Variants in KCNN3 observed in about 807,000 individuals in gnomAD.
KCNN3 encodes the protein small conductance calcium-activated potassium channel protein 3.
KCNN3 carries 16 observed loss-of-function variants against 62.9 expected under a neutral mutation model. That is an observed-to-expected ratio of 0.25 (90% CI 0.17 to 0.39). KCNN3 has a LOEUF of 0.39. Ranked by LOEUF, KCNN3 falls within the 10% of genes least tolerant of loss-of-function variation. The probability of loss-of-function intolerance (pLI) is 1.00; values close to 1 mark genes in which losing one functional copy is unlikely to be tolerated. For synonymous variants in KCNN3, 370 were observed against 389.2 expected, an observed-to-expected ratio of 0.95 and a Z score of 0.58; for missense variants, 599 against 949.4, an observed-to-expected ratio of 0.63 and a Z score of 4.85.
rs529400127 is a variant in KCNN3 at position 154,751,953 on chromosome 1, A to T, written c.1449-18809T>A. Among the ~76,000 whole-genome samples, 4 of 152,340 alleles carry T rather than the reference A, an allele frequency of 2.6e-5. No homozygotes were observed. The South Asian group carries it at 8.3e-4, about 32-fold the overall frequency. On this transcript the variant is annotated intron_variant, in intron 3 of 7. Transcript: ENST00000271915. ...GCAACCACAGAAGGCAAAATGAAAGAGCCCAGACAGTTGTGTAAAGTGCCA... is the reference window on the plus strand; with the variant it reads ...GCAACCACAGAAGGCAAAATGAAAGTGCCCAGACAGTTGTGTAAAGTGCCA...
At chr1:154,845,643 G>A (rs1396213557) in intron 1 of KCNN3, among the ~76,000 whole-genome samples, 1 of 152,056 alleles carries the variant, frequency 6.6e-6, no homozygotes, top group Non-Finnish European at 1.5e-5. Context: ...GCCCTGCAAG[G>A]GGTTCAGTCA....
intron 2 of KCNN3, among the ~76,000 whole-genome samples, chr1:154,796,105 C>T (rs1649725353): frequency 6.6e-6 from 1 of 152,150 alleles, no homozygotes; most frequent in African/African-American, 2.4e-5. Context: ...CCTAACAGTC[C>T]ACATAAGACC....
intron 3 of KCNN3, among the ~76,000 whole-genome samples, chr1:154,759,607 C>T (rs1170422034): frequency 6.6e-6 from 1 of 152,192 alleles, no homozygotes; most frequent in African/African-American, 2.4e-5. Context: ...CAGCATGGCA[C>T]TAACTGTCAC....
At chr1:154,732,858 T>C in intron 4 of KCNN3, 145 bp downstream of exon 4, 2 of 794,312 alleles carry the variant, frequency 2.5e-6, no homozygotes, top group Non-Finnish European at 4.3e-6. Context: ...CCTGACATTT[T>C]ATGTGTAGGG....
intron 5 of KCNN3, among the ~76,000 whole-genome samples, chr1:154,721,361 A>G (rs1318861536): frequency 7.0e-6 from 1 of 142,488 alleles, no homozygotes; most frequent in Non-Finnish European, 1.5e-5. Context: ...GTGCAGTGGC[A>G]CGATCTCAGC....
At chr1:154,857,372 C>A (rs537404210) in intron 1 of KCNN3, among the ~76,000 whole-genome samples, 1 of 152,186 alleles carries the variant, frequency 6.6e-6, no homozygotes, top group Non-Finnish European at 1.5e-5. Context: ...GAGCCCAGCA[C>A]GGCACCTGGA....
chr1:154,783,441 C>T (rs1649145102), intron 2 of KCNN3, among the ~76,000 whole-genome samples: 1 of 152,084 alleles, frequency 6.6e-6, no homozygotes, highest in Admixed American at 6.5e-5. Flanking sequence ...ATACAATATC[C>T]ATTTATCATC....
At chr1:154,759,967 T>TA (rs1380640388) in intron 3 of KCNN3, among the ~76,000 whole-genome samples, 1 of 152,084 alleles carries the variant, frequency 6.6e-6, no homozygotes, top group African/African-American at 2.4e-5. Flanking sequence ...CTTTTTTATT[T>TA]TATTTTCTCT....
chr1:154,741,412 T>G (rs951909255), intron 3 of KCNN3, among the ~76,000 whole-genome samples: 1 of 152,270 alleles, frequency 6.6e-6, no homozygotes, highest in Non-Finnish European at 1.5e-5. Flanking sequence ...GTGGACTGAC[T>G]AAGGCCTGCA....
At chr1:154,738,399 C>T (rs1700757144) in intron 3 of KCNN3, among the ~76,000 whole-genome samples, 1 of 152,120 alleles carries the variant, frequency 6.6e-6, no homozygotes, top group South Asian at 2.1e-4. Flanking sequence ...CTGAATTGGC[C>T]AAAGTATTAG....
At chr1:154,833,799 G>A (rs1651473762) in intron 1 of KCNN3, among the ~76,000 whole-genome samples, 1 of 152,188 alleles carries the variant, frequency 6.6e-6, no homozygotes, top group South Asian at 2.1e-4. Context: ...TCAGGTTTGG[G>A]GAGTGAACAT....
intron 3 of KCNN3, among the ~76,000 whole-genome samples, chr1:154,744,540 C>G (rs1279526460): frequency 6.6e-6 from 1 of 152,172 alleles, no homozygotes; most frequent in Admixed American, 6.5e-5. Flanking sequence ...TAGGTGATGG[C>G]CGGGAGGCTC....
intron 1 of KCNN3, among the ~76,000 whole-genome samples, chr1:154,822,596 C>T (rs927487141): frequency 3.3e-5 from 5 of 152,230 alleles, no homozygotes; most frequent in African/African-American, 1.2e-4. Context: ...AATATTACGC[C>T]AGCTTGGGCC....
chr1:154,768,826 G>T (rs1392858959), intron 3 of KCNN3, among the ~76,000 whole-genome samples: 1 of 152,096 alleles, frequency 6.6e-6, no homozygotes, highest in Non-Finnish European at 1.5e-5. Context: ...TGATAACATG[G>T]TCAAGACCAT....
intron 1 of KCNN3, among the ~76,000 whole-genome samples, chr1:154,851,075 T>C (rs1459915740): frequency 6.6e-6 from 1 of 152,038 alleles, no homozygotes; most frequent in Non-Finnish European, 1.5e-5. Context: ...CCTTCCCGGG[T>C]TCAAGCGATT....
chr1:154,761,032 A>T (rs1356867735), intron 3 of KCNN3, among the ~76,000 whole-genome samples: 2 of 152,266 alleles, frequency 1.3e-5, no homozygotes, highest in Non-Finnish European at 2.9e-5. Flanking sequence ...GATGTAAAAC[A>T]TGAGTTCCTA....
intron 3 of KCNN3, among the ~76,000 whole-genome samples, chr1:154,768,185 C>A (rs919798878): frequency 1.3e-5 from 2 of 152,180 alleles, no homozygotes; most frequent in Non-Finnish European, 2.9e-5. Flanking sequence ...GGCATCCTGT[C>A]CACACTACCC....
intron 3 of KCNN3, among the ~76,000 whole-genome samples, chr1:154,748,750 C>T (rs1233919655): frequency 6.6e-6 from 1 of 152,166 alleles, no homozygotes; most frequent in African/African-American, 2.4e-5. Flanking sequence ...CCCTTGAGCC[C>T]AGGATTTCAA....
chr1:154,721,502 T>C (rs1468359315), intron 5 of KCNN3, among the ~76,000 whole-genome samples: 1 of 152,052 alleles, frequency 6.6e-6, no homozygotes, highest in Non-Finnish European at 1.5e-5. Flanking sequence ...GGTTTCACCA[T>C]GTTCGCCAGG....
Sources: gnomAD v4.1 joint callset for allele counts (sites outside exome capture counted in the v4.1 genomes callset) on GRCh38, gnomAD v4.1.1 for gene constraint, MANE v1.5 for transcripts, NCBI Gene and HGNC (gene_info 2026-07-23, HGNC 2026-07-21) for gene names.